Variants in DPP6 observed in about 807,000 individuals in gnomAD.
The protein encoded by DPP6 is dipeptidyl peptidase like 6.
A neutral mutation model predicts 122.6 loss-of-function variants in DPP6; 69 were observed. The ratio of observed to expected loss-of-function variants is 0.56; its 90% CI spans 0.46 to 0.69. DPP6 has a LOEUF of 0.69. DPP6 is among the 30% of genes least tolerant of loss of function. The probability of loss-of-function intolerance (pLI) is 0.00; values close to 1 mark genes in which losing one functional copy is unlikely to be tolerated. For missense variants in DPP6, 928 were observed against 1,116.9 expected (o/e 0.83, Z 2.41); for synonymous variants, 418 against 433.1 (o/e 0.97, Z 0.43).
At chr7:154,592,447 A>G (rs907222136) in intron 5 of DPP6, among the ~76,000 whole-genome samples, 22 of 152,358 alleles carry the variant, frequency 1.4e-4, no homozygotes, top group African/African-American at 5.3e-4. Flanking sequence ...TCGCAGGCAC[A>G]GGGAATACTG....
intron 1 of DPP6, among the ~76,000 whole-genome samples, chr7:154,063,644 C>G (rs1218462725): frequency 7.1e-6 from 1 of 141,048 alleles, no homozygotes; most frequent in Non-Finnish European, 1.5e-5. Context: ...GAGCCACTCC[C>G]TCTTCCCCCT....
Position 154,892,689 on chromosome 7 carries a change from A to G in DPP6, c.*209A>G. On this transcript the variant is annotated 3_prime_UTR_variant, in exon 26 of 26. Coordinates refer to ENST00000377770, the MANE Select transcript of DPP6 (RefSeq NM_130797.4). Reference sequence around the variant, plus strand: ...ACTCACGGCCTCCATGGCACCAGGGACAACGCTGTCCCCGCAGCAGCGCCT... The same window carrying G: ...ACTCACGGCCTCCATGGCACCAGGGGCAACGCTGTCCCCGCAGCAGCGCCT... 2 of 1,067,752 alleles carry G rather than the reference A, an allele frequency of 1.9e-6. No individual in the cohort carries two copies. The highest frequency in any genetic ancestry group is 2.8e-6 in the Non-Finnish European group (2 of 707,328). The allele number at this position is 1,067,752 out of a possible 1,614,324, so 66.1% of individuals were successfully genotyped here.
intron 7 of DPP6, among the ~76,000 whole-genome samples, chr7:154,717,156 A>G (rs1309065766): frequency 6.6e-6 from 1 of 152,034 alleles, no homozygotes; most frequent in Non-Finnish European, 1.5e-5. Context: ...ATACATGTAT[A>G]CAATGTGTAA....
intron 1 of DPP6, among the ~76,000 whole-genome samples, chr7:153,998,569 C>A (rs991253491): frequency 6.6e-6 from 1 of 152,172 alleles, no homozygotes; most frequent in Non-Finnish European, 1.5e-5. Flanking sequence ...ACATCGTGGT[C>A]ATGGTTCTGA....
intron 8 of DPP6, among the ~76,000 whole-genome samples, chr7:154,731,387 A>G (rs1289571485): frequency 2.0e-5 from 3 of 152,260 alleles, no homozygotes; most frequent in Non-Finnish European, 4.4e-5. Flanking sequence ...CATACTAAAC[A>G]TTGCAAAATA....
the DPP6 span, among the ~76,000 whole-genome samples, chr7:153,841,105 A>T: frequency 6.6e-6 from 1 of 152,206 alleles, no homozygotes; most frequent in Non-Finnish European, 1.5e-5. Context: ...CTCAGGCAAG[A>T]GTCACAGTCA....
chr7:154,127,520 A>G (rs188213806), intron 1 of DPP6, among the ~76,000 whole-genome samples: 1 of 152,016 alleles, frequency 6.6e-6, no homozygotes, highest in Non-Finnish European at 1.5e-5. Context: ...TCTGTAGTCC[A>G]GCCCAGGACT....
chr7:154,547,122 G>T (rs185012298), intron 4 of DPP6, among the ~76,000 whole-genome samples: 3 of 152,318 alleles, frequency 2.0e-5, no homozygotes, highest in African/African-American at 7.2e-5. Flanking sequence ...CGGGAAGTGG[G>T]CTCAGCCTCG....
At chr7:154,208,542 T>C (rs1056025923) in intron 1 of DPP6, among the ~76,000 whole-genome samples, 1 of 152,250 alleles carries the variant, frequency 6.6e-6, no homozygotes, top group Non-Finnish European at 1.5e-5. Flanking sequence ...GTAAGCGCTA[T>C]GTACTTACAT....
At chr7:153,926,814 G>GAA (rs940624318) in intron 1 of DPP6, among the ~76,000 whole-genome samples, 2,108 of 147,636 alleles carry the variant, frequency 0.014, 17 homozygotes, top group Middle Eastern at 0.018. Flanking sequence ...GTAAAAAAAA[G>GAA]AAAAAAAAAA....
chr7:154,464,117 C>A (rs1463861554), intron 2 of DPP6, among the ~76,000 whole-genome samples: 2 of 152,216 alleles, frequency 1.3e-5, no homozygotes, highest in Non-Finnish European at 2.9e-5. Context: ...GTGAGGCTTG[C>A]TGGAGCTCAG....
At chr7:153,887,771 G>A in intron 1 of DPP6, 1 of 1,605,516 alleles carries the variant, frequency 6.2e-7, no homozygotes, top group East Asian at 2.2e-5. Flanking sequence ...TGGGTCGGGG[G>A]GACCCACCGT....
intron 16 of DPP6, among the ~76,000 whole-genome samples, chr7:154,832,185 C>T (rs538012092): frequency 1.2e-4 from 18 of 152,206 alleles, no homozygotes; most frequent in Admixed American, 3.9e-4. Context: ...TGCCAGGCAA[C>T]GAACTGGGTG....
chr7:153,904,926 TAGAC>T (rs1310235926), intron 1 of DPP6, among the ~76,000 whole-genome samples: 1 of 152,230 alleles, frequency 6.6e-6, no homozygotes, highest in Non-Finnish European at 1.5e-5. Flanking sequence ...GACGCAAAGA[TAGAC>T]AGGAAGCTGT....
chr7:153,987,441 A>C (rs1796905933), intron 1 of DPP6, among the ~76,000 whole-genome samples: 1 of 152,218 alleles, frequency 6.6e-6, no homozygotes, highest in African/African-American at 2.4e-5. Context: ...TTGGAAGCTT[A>C]TTCCCCCTCA....
chr7:153,975,118 G>A (rs1342611710), intron 1 of DPP6, among the ~76,000 whole-genome samples: 126 of 152,112 alleles, frequency 8.3e-4, no homozygotes, highest in Middle Eastern at 6.8e-3. Flanking sequence ...CCCATGAGAC[G>A]TAAATCTAGG....
the DPP6 span, among the ~76,000 whole-genome samples, chr7:153,840,798 A>G: frequency 6.6e-6 from 1 of 152,216 alleles, no homozygotes; most frequent in African/African-American, 2.4e-5. Context: ...CTGTTCATCA[A>G]AAGGATCAGG....
At chr7:154,882,624 A>G (rs372645919) in intron 21 of DPP6, among the ~76,000 whole-genome samples, 1 of 152,176 alleles carries the variant, frequency 6.6e-6, no homozygotes, top group African/African-American at 2.4e-5. Flanking sequence ...GGTGACCTGG[A>G]GAGCAAGGGG....
rs150938372 is a variant in DPP6 at position 154,313,604 on chromosome 7, G to A, written c.244-132610G>A. ...TGAAAAAAGGGACTAGAAACTTCTG[G>A]CTTTCAAAGAGCAAAAAGAGTTTGT... On this transcript the variant is annotated intron_variant, in intron 1 of 25. Coordinates refer to ENST00000377770, the MANE Select transcript of DPP6 (RefSeq NM_130797.4). Among the ~76,000 whole-genome samples, 330 of 148,926 alleles carry A rather than the reference G, an allele frequency of 2.2e-3. 5 individuals carry two copies. The highest frequency in any genetic ancestry group is 7.7e-3 in the African/African-American group (310 of 40,474).
Sources: gnomAD v4.1 joint callset for allele counts (sites outside exome capture counted in the v4.1 genomes callset) on GRCh38, gnomAD v4.1.1 for gene constraint, MANE v1.5 for transcripts, NCBI Gene and HGNC (gene_info 2026-07-23, HGNC 2026-07-21) for gene names.